Variants in WEE2 observed in about 807,000 individuals in gnomAD.
WEE2 encodes the protein wee1-like protein kinase 2.
A neutral mutation model predicts 60.1 loss-of-function variants in WEE2; 50 were observed. The ratio of observed to expected loss-of-function variants is 0.83; its 90% CI spans 0.66 to 1.05. The LOEUF is 1.05. Ranked by LOEUF, WEE2 falls within the 50% of genes least tolerant of loss-of-function variation. The pLI is 0.00. For synonymous variants in WEE2, 240 were observed against 241.0 expected (o/e 1.00, Z 0.04); for missense variants, 631 against 684.3 (o/e 0.92, Z 0.87).
At chr7:141,727,901 C>T (rs1165110488) in intron 10 of WEE2, 9 of 156,802 alleles carry the variant, frequency 5.7e-5, no homozygotes, top group Admixed American at 5.0e-4. Context: ...GCAAAGAAAA[C>T]GATCTGTTCC....
intron 1 of WEE2, among the ~76,000 whole-genome samples, chr7:141,712,505 T>G (rs771101692): frequency 9.9e-5 from 15 of 152,182 alleles, no homozygotes; most frequent in Admixed American, 4.6e-4. Context: ...GAAGTTCTTT[T>G]CATATGTCTT....
intron 5 of WEE2, among the ~76,000 whole-genome samples, chr7:141,721,934 T>C (rs1317382650): frequency 6.6e-6 from 1 of 152,238 alleles, no homozygotes; most frequent in African/African-American, 2.4e-5. Context: ...CCTTCTGAAC[T>C]TACATGTCAT....
chr7:141,719,671 G>A (rs987951245), intron 4 of WEE2, among the ~76,000 whole-genome samples: 1 of 152,118 alleles, frequency 6.6e-6, no homozygotes. Context: ...GGATGGTCTT[G>A]ATCTCTTGAC....
chr7:141,725,422 G>A (rs887520618), intron 9 of WEE2, among the ~76,000 whole-genome samples: 6 of 152,094 alleles, frequency 3.9e-5, no homozygotes, highest in African/African-American at 1.4e-4. Flanking sequence ...GTCAGAAGAT[G>A]AGACCATCCT....
At chr7:141,716,900 C>A (rs1242516105) in intron 3 of WEE2, among the ~76,000 whole-genome samples, 1 of 152,120 alleles carries the variant, frequency 6.6e-6, no homozygotes, top group South Asian at 2.1e-4. Flanking sequence ...TTTGATCCAT[C>A]CCTCATTTGA....
At chr7:141,713,357 G>A (rs1196862636) in intron 1 of WEE2, among the ~76,000 whole-genome samples, 1 of 152,114 alleles carries the variant, frequency 6.6e-6, no homozygotes, top group Admixed American at 6.6e-5. Context: ...CCATAACACA[G>A]CTACTCCTCT....
At chr7:141,727,578 C>G (rs1444203741) in intron 10 of WEE2, 132 bp downstream of exon 10, 6 of 1,171,882 alleles carry the variant, frequency 5.1e-6, no homozygotes, top group Non-Finnish European at 7.0e-6. Flanking sequence ...GGTCCCTGCC[C>G]ACAAGGAAAC....
chr7:141,712,623 C>T (rs1798725606), intron 1 of WEE2, among the ~76,000 whole-genome samples: 1 of 152,176 alleles, frequency 6.6e-6, no homozygotes, highest in Admixed American at 6.6e-5. Context: ...ATAAGTGGTG[C>T]TCACAAATTC....
At position 141,724,233 on chromosome 7, in the gene WEE2, A is replaced by C. The variant is rs1334094314; in HGVS notation, c.1179A>C (p.Glu393Asp). ...HATSINKPKV[E>D]EGDSRFLANE... ...CATCAATAAACAAACCCAAAGTGGA[A>C]GAAGGAGATAGTCGCTTCCTGGCTA... Residue 393 changes from glutamate (E) to aspartate (D), a missense_variant, in exon 8 of 12, where the codon GAA (glutamate) becomes GAC (aspartate). By Grantham distance (45) the Glu-to-Asp change is conservative (BLOSUM62 2). Coordinates refer to ENST00000397541, the MANE Select transcript of WEE2 (RefSeq NM_001105558.1). 2 of 1,613,944 alleles carry C rather than the reference A, an allele frequency of 1.2e-6. No homozygotes were observed. Among genetic ancestry groups the C allele is most frequent in the East Asian group, 4.5e-5 (2 of 44,862 alleles).
chr7:141,723,790 T>G, intron 6 of WEE2, 151 bp from the exon 7 acceptor site: 1 of 570,252 alleles, frequency 1.8e-6, no homozygotes, highest in Non-Finnish European at 3.0e-6. Context: ...AGAAGCGATG[T>G]GAGATTTCAT....
chr7:141,726,796 C>G (rs1301841782), intron 9 of WEE2, among the ~76,000 whole-genome samples: 1 of 152,116 alleles, frequency 6.6e-6, no homozygotes, highest in Non-Finnish European at 1.5e-5. Flanking sequence ...CATTATATGA[C>G]AGTTTCAGTT....
chr7:141,728,771 C>A (rs1245929123), intron 10 of WEE2, among the ~76,000 whole-genome samples: 1 of 152,184 alleles, frequency 6.6e-6, no homozygotes, highest in Non-Finnish European at 1.5e-5. Context: ...GTGAGCACTA[C>A]CGCCTGAGTT....
At position 141,719,164 on chromosome 7, in the gene WEE2, C is replaced by T. The variant is rs761295609; in HGVS notation, c.678C>T (p.Val226=). Residue 226 remains valine (V), a synonymous_variant, in exon 4 of 12, where the codon GTC becomes GTT. Coordinates refer to ENST00000397541, the MANE Select transcript of WEE2 (RefSeq NM_001105558.1). ...TTGGGGTTGGCGAATTTGGTACAGT[C>T]TACAAGTGCATTAAGAGGCTGGATG... ...EKIGVGEFGT[V]YKCIKRLDGC... is the part of the protein sequence containing the mutation. 27 of 1,614,026 alleles carry T rather than the reference C, an allele frequency of 1.7e-5. No homozygotes were observed. The highest frequency in any genetic ancestry group is 2.3e-5 in the Non-Finnish European group (27 of 1,179,954).
intron 5 of WEE2, among the ~76,000 whole-genome samples, chr7:141,721,841 T>C (rs1283983532): frequency 6.6e-6 from 1 of 152,220 alleles, no homozygotes; most frequent in Non-Finnish European, 1.5e-5. Flanking sequence ...ATATATAGTG[T>C]ATAAATTCTA....
At chr7:141,720,638 T>C (rs763999792) in intron 4 of WEE2, among the ~76,000 whole-genome samples, 26 of 152,234 alleles carry the variant, frequency 1.7e-4, no homozygotes, top group Non-Finnish European at 2.2e-4. Flanking sequence ...TCTTTACATA[T>C]GCCATGTTAA....
intron 8 of WEE2, among the ~76,000 whole-genome samples, 178 bp from the exon 9 acceptor site, chr7:141,724,848 C>A (rs527478639): frequency 2.0e-5 from 3 of 152,344 alleles, no homozygotes; most frequent in African/African-American, 7.2e-5. Context: ...CAGTGTTAAT[C>A]AGGTAGATTC....
At position 141,721,016 on chromosome 7, in the gene WEE2, A is replaced by G; in HGVS notation, c.840A>G (p.Ala280=). The G allele has an allele frequency of 5.6e-6, 9 of 1,614,212 alleles. No individual in the cohort carries two copies. The highest frequency in any genetic ancestry group is 7.6e-6 in the Non-Finnish European group (9 of 1,180,024). The change falls in exon 5 of 12, where the codon GCA becomes GCG. Residue 280 remains alanine (A), a synonymous_variant. Coordinates refer to ENST00000397541, the MANE Select transcript of WEE2 (RefSeq NM_001105558.1). The part of the protein sequence containing the change: ...PHVVRYYSSW[A]EDDHMIIQNE... The stretch of plus-strand genomic sequence containing the variant: ...TGGTACGTTACTATTCCTCATGGGC[A>G]GAAGATGACCACATGATCATTCAGA...
intron 2 of WEE2, among the ~76,000 whole-genome samples, chr7:141,715,452 T>C (rs1157154461): frequency 1.3e-5 from 2 of 152,212 alleles, no homozygotes; most frequent in Non-Finnish European, 1.5e-5. Context: ...ATACCAAGCA[T>C]TGATTTATTT....
chr7:141,724,564 T>C (rs576893836), intron 8 of WEE2, among the ~76,000 whole-genome samples: 1 of 152,214 alleles, frequency 6.6e-6, no homozygotes, highest in Non-Finnish European at 1.5e-5. Context: ...GAAGGAAGCC[T>C]TTTCCTCAAG....
Sources: allele counts gnomAD v4.1 joint callset (sites outside exome capture counted in the v4.1 genomes callset), GRCh38; gene constraint gnomAD v4.1.1; transcripts MANE v1.5; gene names NCBI Gene and HGNC (gene_info 2026-07-23, HGNC 2026-07-21).